Variants in ZNF723 observed in about 807,000 individuals in gnomAD.
The protein encoded by ZNF723 is zinc finger protein 723.
A neutral mutation model predicts 9.4 loss-of-function variants in ZNF723; 5 were observed. That is an observed-to-expected ratio of 0.53 (90% confidence interval 0.28 to 1.12). ZNF723 has a LOEUF of 1.12. Ranked by LOEUF, ZNF723 falls within the 50% of genes most tolerant of loss-of-function variation. ZNF723 has a pLI of 0.10. For synonymous variants in ZNF723, 158 were observed against 168.8 expected (o/e 0.94, Z 0.49); for missense variants, 450 against 501.5 (o/e 0.90, Z 0.98).
intron 1 of ZNF723, among the ~76,000 whole-genome samples, chr19:22,832,894 T>C (rs1475105155): frequency 6.6e-6 from 1 of 152,208 alleles, no homozygotes; most frequent in Non-Finnish European, 1.5e-5. Context: ...TTTTATAAGA[T>C]GCATGATGAA....
chr19:22,834,547 G>A (rs1040538817), intron 1 of ZNF723, among the ~76,000 whole-genome samples: 50 of 151,964 alleles, frequency 3.3e-4, no homozygotes, highest in African/African-American at 1.1e-3. Flanking sequence ...GTCTATGTCT[G>A]CTACAGTGTC....
chr19:22,849,066 T>C (rs1967355826), intron 2 of ZNF723, 132 bp from the exon 3 acceptor site: 1 of 362,984 alleles, frequency 2.8e-6, no homozygotes, highest in South Asian at 1.3e-4. Flanking sequence ...ATTTTCTAAA[T>C]ATTAAGAAAT....
At chr19:22,823,459 C>T in the ZNF723 span, among the ~76,000 whole-genome samples, 1 of 152,154 alleles carries the variant, frequency 6.6e-6, no homozygotes, top group African/African-American at 2.4e-5. Context: ...GACTCTTCTA[C>T]CAGGACACAG....
chr19:22,857,617 A>C lies in ZNF723; in HGVS notation c.726A>C (p.Ser242=), dbSNP rs1967499335. The stretch of plus-strand genomic sequence containing the variant: ...GTGGCAAAGCCTTTAATGTGTCCTC[A>C]AGCCTTAATAATCATAAGAGAATTC... ...EECGKAFNVS[S]SLNNHKRIHT... Residue 242 remains serine, a synonymous_variant, in exon 4 of 4, where the codon TCA becomes TCC. Transcript: ENST00000600766. 7.7e-7 allele frequency: 1 copy of C among 1,298,352 alleles called. No individual in the cohort carries two copies. Among genetic ancestry groups the C allele is most frequent in the Non-Finnish European group, 1.1e-6 (1 of 893,386 alleles). 80.4% of individuals were successfully genotyped at this position (1,298,352 alleles called of 1,614,324 possible). A position where few individuals can be genotyped will look rare whatever the true frequency, so the allele number is the denominator to read the frequency against.
At chr19:22,830,404 G>A (rs562473636), upstream of ZNF723, among the ~76,000 whole-genome samples, 6 of 152,270 alleles carry the variant, frequency 3.9e-5, no homozygotes, top group South Asian at 1.0e-3. Context: ...CTGAACCCAA[G>A]TGATTCTTTC....
At chr19:22,816,293 T>A in the ZNF723 span, among the ~76,000 whole-genome samples, 29,158 of 152,132 alleles carry the variant, frequency 0.19, 2,740 homozygotes, top group African/African-American at 0.23. Context: ...AGGTTCTGGA[T>A]CTCACACCCA....
Position 22,858,145 on chromosome 19 carries a change from T to A in ZNF723, c.1254T>A (p.Ile418=). ...QSSALTTHKI[I]HTGERPYKCK... is the part of the protein sequence containing the mutation. Reference sequence around the variant, plus strand: ...CAGCCCTTACTACACATAAGATAATTCATACTGGAGAAAGACCTTACAAAT... The same window carrying A: ...CAGCCCTTACTACACATAAGATAATACATACTGGAGAAAGACCTTACAAAT... The change falls in exon 4 of 4, where the codon ATT becomes ATA. Residue 418 remains isoleucine, a synonymous_variant. Coordinates refer to ENST00000600766, the MANE Select transcript of ZNF723 (RefSeq NM_001349726.2). 1 of 1,428,108 alleles carries A rather than the reference T, an allele frequency of 7.0e-7. No homozygotes were observed. The highest frequency in any genetic ancestry group is 9.9e-7 in the Non-Finnish European group (1 of 1,012,264). 88.5% of individuals were successfully genotyped at this position (1,428,108 alleles called of 1,614,324 possible). A position where few individuals can be genotyped will look rare whatever the true frequency, so the allele number is the denominator to read the frequency against.
intron 1 of ZNF723, among the ~76,000 whole-genome samples, chr19:22,833,926 CT>C (rs34792208): frequency 2.3e-3 from 202 of 89,316 alleles, no homozygotes; most frequent in East Asian, 6.5e-3. Context: ...TTTTAGCGTA[CT>C]TTTTTTTTTT....
At chr19:22,830,151 CT>C (rs35495701), upstream of ZNF723, among the ~76,000 whole-genome samples, 22,808 of 151,956 alleles carry the variant, frequency 0.15, 1,771 homozygotes, top group East Asian at 0.18. Flanking sequence ...TCAAATTATC[CT>C]ATGTCTGTTC....
the ZNF723 span, among the ~76,000 whole-genome samples, chr19:22,812,278 C>T: frequency 6.6e-6 from 1 of 152,150 alleles, no homozygotes; most frequent in Non-Finnish European, 1.5e-5. Context: ...GCCAACATGA[C>T]ATTTCTTGTG....
At chr19:22,834,592 T>C (rs1162675512) in intron 1 of ZNF723, among the ~76,000 whole-genome samples, 1 of 152,170 alleles carries the variant, frequency 6.6e-6, no homozygotes, top group Non-Finnish European at 1.5e-5. Context: ...TTTTCTGCCA[T>C]AGGACAACCT....
the ZNF723 span, among the ~76,000 whole-genome samples, chr19:22,823,113 T>G: frequency 0.012 from 1,804 of 152,272 alleles, 26 homozygotes; most frequent in African/African-American, 0.039. Context: ...TTAGCTCTCA[T>G]TCCTGGGCTT....
chr19:22,827,836 A>C (rs2145197436), upstream of ZNF723, among the ~76,000 whole-genome samples: 1 of 151,464 alleles, frequency 6.6e-6, no homozygotes, highest in South Asian at 2.1e-4. Flanking sequence ...GCACTTTGGG[A>C]GGTTGAGGTG....
At chr19:22,819,947 A>C in the ZNF723 span, among the ~76,000 whole-genome samples, 27 of 152,206 alleles carry the variant, frequency 1.8e-4, no homozygotes, top group South Asian at 6.2e-4. Flanking sequence ...TGGAGCTTTC[A>C]TACAGCATAC....
At chr19:22,833,683 CA>C (rs919838619) in intron 1 of ZNF723, among the ~76,000 whole-genome samples, 49 of 151,942 alleles carry the variant, frequency 3.2e-4, no homozygotes, top group African/African-American at 1.1e-3. Context: ...GATCTCGGCT[CA>C]CTGCAACCTC....
intron 3 of ZNF723, among the ~76,000 whole-genome samples, chr19:22,854,470 G>C (rs1048493005): frequency 2.6e-5 from 4 of 152,010 alleles, no homozygotes; most frequent in African/African-American, 9.7e-5. Context: ...TTGAAAATAT[G>C]TCTCTTGATT....
At chr19:22,822,296 A>T in the ZNF723 span, among the ~76,000 whole-genome samples, 1 of 152,222 alleles carries the variant, frequency 6.6e-6, no homozygotes, top group Non-Finnish European at 1.5e-5. Flanking sequence ...TGCAGTTCAC[A>T]GTTAAAATTC....
chr19:22,835,250 C>T (rs1967152655), intron 1 of ZNF723, among the ~76,000 whole-genome samples: 1 of 151,916 alleles, frequency 6.6e-6, no homozygotes, highest in African/African-American at 2.4e-5. Context: ...CCACGTTGGC[C>T]AGGCTGGTCC....
At chr19:22,819,694 A>G in the ZNF723 span, among the ~76,000 whole-genome samples, 7 of 152,222 alleles carry the variant, frequency 4.6e-5, no homozygotes, top group Admixed American at 3.9e-4. Flanking sequence ...CCTCTGACGT[A>G]CAATATGTAA....
Sources: gnomAD v4.1 joint callset for allele counts (sites outside exome capture counted in the v4.1 genomes callset) on GRCh38, gnomAD v4.1.1 for gene constraint, MANE v1.5 for transcripts, NCBI Gene and HGNC (gene_info 2026-07-23, HGNC 2026-07-21) for gene names.